The following GRID2 variants were observed in gnomAD, a reference collection of about 807,000 sequenced individuals.
GRID2 encodes the protein glutamate ionotropic receptor delta type subunit 2.
A neutral mutation model predicts 114.8 loss-of-function variants in GRID2; 33 were observed. The ratio of observed to expected loss-of-function variants is 0.29; its 90% CI spans 0.22 to 0.38. GRID2 has a LOEUF of 0.38. GRID2 is among the 10% of genes least tolerant of loss of function. The pLI is 1.00. For synonymous variants in GRID2, 505 were observed against 449.9 expected, an observed-to-expected ratio of 1.12 and a Z score of -1.55; for missense variants, 1,184 against 1,257.7, an observed-to-expected ratio of 0.94 and a Z score of 0.89.
At chr4:93,776,436 A>T (rs1158277672), downstream of GRID2, among the ~76,000 whole-genome samples, 1 of 152,244 alleles carries the variant, frequency 6.6e-6, no homozygotes, top group Admixed American at 6.5e-5. Context: ...ATGTAATTCA[A>T]TTCTACTAGT....
chr4:92,778,785 C>G (rs76624389), intron 2 of GRID2, among the ~76,000 whole-genome samples: 1 of 151,964 alleles, frequency 6.6e-6, no homozygotes, highest in Non-Finnish European at 1.5e-5. Context: ...CAGGCCATTT[C>G]CCATCTAGTG....
rs568857853 is a variant in GRID2 at position 93,791,411 on chromosome 4, A to G, written c.222-15304A>G. 3.3e-5 allele frequency among the ~76,000 whole-genome samples: 5 copies of G among 152,342 alleles called. No homozygotes were observed. In the East Asian group the frequency reaches 9.6e-4, roughly 29 times the overall value. On this transcript the variant is annotated intron_variant, in intron 1 of 1. Coordinates refer to the GRID2 transcript ENST00000637838. ...GCAACATTATAAAAAGGTCATATCC[A>G]AGGCAAGTTGAAAATTAGTAAGGCA...
At chr4:92,914,286 T>A (rs1160390926) in intron 2 of GRID2, among the ~76,000 whole-genome samples, 2 of 152,182 alleles carry the variant, frequency 1.3e-5, no homozygotes, top group Non-Finnish European at 2.9e-5. Context: ...AAATGCTTGG[T>A]AATTATTTCC....
chr4:92,645,902 A>C (rs1366366221), intron 2 of GRID2, among the ~76,000 whole-genome samples: 3 of 151,760 alleles, frequency 2.0e-5, no homozygotes, highest in African/African-American at 4.8e-5. Context: ...GGCTCTTATG[A>C]ATAAGCTGCC....
At chr4:93,424,988 T>C (rs1432087430) in intron 10 of GRID2, among the ~76,000 whole-genome samples, 1 of 152,154 alleles carries the variant, frequency 6.6e-6, no homozygotes, top group Non-Finnish European at 1.5e-5. Flanking sequence ...TTGCTTATTT[T>C]TTCTTTCCAG....
chr4:92,355,146 C>T (rs751561398), intron 1 of GRID2, among the ~76,000 whole-genome samples: 11 of 151,848 alleles, frequency 7.2e-5, no homozygotes, highest in Non-Finnish European at 1.6e-4. Context: ...TGCTTATCAT[C>T]TGTATTTTCT....
chr4:92,558,738 C>T (rs17019568), intron 1 of GRID2, among the ~76,000 whole-genome samples: 7 of 152,016 alleles, frequency 4.6e-5, no homozygotes, highest in Non-Finnish European at 8.8e-5. Context: ...GATCATGCTT[C>T]GCAAGGCATT....
chr4:92,945,964 A>G (rs528774994), intron 2 of GRID2, among the ~76,000 whole-genome samples: 2 of 152,190 alleles, frequency 1.3e-5, no homozygotes, highest in South Asian at 2.1e-4. Flanking sequence ...GCCTTTTTAC[A>G]TGCCTTCCAG....
chr4:93,442,621 G>A (rs1721725157), intron 10 of GRID2, among the ~76,000 whole-genome samples: 1 of 151,270 alleles, frequency 6.6e-6, no homozygotes, highest in South Asian at 2.1e-4. Flanking sequence ...GACAGAGACA[G>A]AGACAGAGAG....
chr4:92,425,655 T>C (rs1393355859), intron 1 of GRID2, among the ~76,000 whole-genome samples: 1 of 152,112 alleles, frequency 6.6e-6, no homozygotes, highest in African/African-American at 2.4e-5. Flanking sequence ...AACTGCCTAC[T>C]TTCCCACATG....
chr4:93,231,133 G>T (rs1373289906), intron 7 of GRID2, among the ~76,000 whole-genome samples: 1 of 151,984 alleles, frequency 6.6e-6, no homozygotes, highest in African/African-American at 2.4e-5. Flanking sequence ...AATTTGCCCA[G>T]TGCAGATCTA....
intron 2 of GRID2, among the ~76,000 whole-genome samples, chr4:92,895,583 C>A (rs1747106982): frequency 6.6e-6 from 1 of 151,426 alleles, no homozygotes; most frequent in South Asian, 2.1e-4. Context: ...ATTTGAGTTA[C>A]CAGTAATAAA....
chr4:93,448,546 A>G (rs1386875196), intron 10 of GRID2, among the ~76,000 whole-genome samples: 1 of 151,974 alleles, frequency 6.6e-6, no homozygotes, highest in East Asian at 1.9e-4. Context: ...AGAAAACACT[A>G]TTAAGTTCCA....
At chr4:93,705,240 T>G (rs1727888594) in intron 14 of GRID2, among the ~76,000 whole-genome samples, 1 of 152,186 alleles carries the variant, frequency 6.6e-6, no homozygotes, top group South Asian at 2.1e-4. Flanking sequence ...TGTTTACCAT[T>G]CATTTGTATG....
intron 12 of GRID2, among the ~76,000 whole-genome samples, chr4:93,502,513 T>C (rs749921619): frequency 6.6e-6 from 1 of 151,942 alleles, no homozygotes; most frequent in Non-Finnish European, 1.5e-5. Flanking sequence ...TTATTTTCTT[T>C]TTCTAGTTCT....
chr4:93,592,098 C>G lies in GRID2; in HGVS notation c.2194-34171C>G, dbSNP rs539392422. Among the ~76,000 whole-genome samples, 97 of 152,116 alleles carry G rather than the reference C, an allele frequency of 6.4e-4. No homozygotes were observed. The Middle Eastern group carries it at 0.01, about 16-fold the overall frequency. ...TTTAGTTATTTCTTGCCTTCTGCTA[C>G]CTTTTGAATTTGTTTCCTCTTGCTT... On this transcript the variant is annotated intron_variant, in intron 13 of 15. Coordinates refer to ENST00000282020, the MANE Select transcript of GRID2 (RefSeq NM_001510.4).
intron 2 of GRID2, among the ~76,000 whole-genome samples, chr4:92,836,737 CAT>C (rs1560626440): frequency 6.6e-6 from 1 of 152,078 alleles, no homozygotes; most frequent in African/African-American, 2.4e-5. Context: ...CACACACACA[CAT>C]AAATGTTAAT....
At chr4:93,015,875 A>G (rs917856506) in intron 2 of GRID2, among the ~76,000 whole-genome samples, 3 of 152,122 alleles carry the variant, frequency 2.0e-5, no homozygotes, top group Admixed American at 6.6e-5. Flanking sequence ...CCCCAAACAA[A>G]ACAAAACAAT....
chr4:93,794,789 T>G (rs1734764502), intron 1 of GRID2, among the ~76,000 whole-genome samples: 1 of 152,176 alleles, frequency 6.6e-6, no homozygotes, highest in South Asian at 2.1e-4. Flanking sequence ...CCACTCCCCT[T>G]CTCTCCTCAC....
Sources: gnomAD v4.1 joint callset for allele counts (sites outside exome capture counted in the v4.1 genomes callset) on GRCh38, gnomAD v4.1.1 for gene constraint, MANE v1.5 for transcripts, NCBI Gene and HGNC (gene_info 2026-07-23, HGNC 2026-07-21) for gene names.